The following CSMD1 variants were observed in gnomAD, a reference collection of about 807,000 sequenced individuals.
CSMD1 encodes the protein CUB and sushi domain-containing protein 1.
In CSMD1, 213 loss-of-function variants were observed where a neutral mutation model predicts 417.5. The observed-to-expected ratio is 0.51, with a 90% CI of 0.46 to 0.57. The LOEUF (loss-of-function observed/expected upper bound fraction) is 0.57. Ranked by LOEUF, CSMD1 falls within the 20% of genes least tolerant of loss-of-function variation. The probability of loss-of-function intolerance (pLI) is 0.00; values close to 1 mark genes in which losing one functional copy is unlikely to be tolerated. For synonymous variants in CSMD1, 2,862 were observed against 1,736.8 expected, an observed-to-expected ratio of 1.65 and a Z score of -16.11; for missense variants, 6,923 against 4,529.7, an observed-to-expected ratio of 1.53 and a Z score of -15.17.
In CSMD1 at chr8:4,307,925, C is replaced by T. The variant is rs550133710; in HGVS notation, c.415+112028G>A. ...GGCACGTTTTTAGCAAGAGGACCCC[C>T]GGATGCAAGGGTCTTCGGTGTAACA... On this transcript the variant is annotated intron_variant, in intron 3 of 69. Transcript: ENST00000635120. 5.3e-5 allele frequency among the ~76,000 whole-genome samples: 8 copies of T among 152,206 alleles called. No homozygotes were observed. The East Asian group carries it at 5.8e-4, about 11-fold the overall frequency.
intron 7 of CSMD1, among the ~76,000 whole-genome samples, chr8:3,634,348 G>C (rs769340416): frequency 1.6e-4 from 24 of 152,172 alleles, no homozygotes; most frequent in Non-Finnish European, 2.5e-4. Flanking sequence ...GTGACACTCT[G>C]TGACAAACTC....
chr8:3,262,185 ATATATATATATATAT>A (rs1463243683), intron 26 of CSMD1, among the ~76,000 whole-genome samples: 2 of 46,318 alleles, frequency 4.3e-5, no homozygotes, highest in African/African-American at 1.1e-4. Flanking sequence ...GCTCATATGA[ATATATATATATATAT>A]ATATATATAT....
intron 2 of CSMD1, among the ~76,000 whole-genome samples, chr8:4,621,591 T>C (rs1007304199): frequency 6.6e-6 from 1 of 152,090 alleles, no homozygotes; most frequent in Non-Finnish European, 1.5e-5. Context: ...CAGGAGCAGA[T>C]TTTTCTGTCT....
chr8:3,237,549 T>A (rs1799224689), intron 26 of CSMD1, among the ~76,000 whole-genome samples: 1 of 144,606 alleles, frequency 6.9e-6, no homozygotes, highest in Non-Finnish European at 1.5e-5. Context: ...ATTATATAAA[T>A]AACACAACTT....
intron 3 of CSMD1, among the ~76,000 whole-genome samples, chr8:4,361,453 A>G (rs1801755372): frequency 6.7e-6 from 1 of 150,224 alleles, no homozygotes; most frequent in Admixed American, 6.6e-5. Flanking sequence ...TATCTTCATT[A>G]CAGCCTAATA....
intron 1 of CSMD1, among the ~76,000 whole-genome samples, chr8:4,941,510 A>T (rs1244976399): frequency 6.6e-6 from 1 of 152,182 alleles, no homozygotes; most frequent in Non-Finnish European, 1.5e-5. Flanking sequence ...AGTTATCTAC[A>T]CATGTAACTT....
intron 4 of CSMD1, among the ~76,000 whole-genome samples, chr8:4,004,875 G>C (rs951329866): frequency 7.2e-5 from 11 of 152,074 alleles, no homozygotes; most frequent in African/African-American, 2.4e-4. Flanking sequence ...CTCCCGAGTA[G>C]CTGGGACTAC....
chr8:3,272,279 C>T (rs1308140444), intron 26 of CSMD1, among the ~76,000 whole-genome samples: 1 of 144,342 alleles, frequency 6.9e-6, no homozygotes, highest in Non-Finnish European at 1.5e-5. Flanking sequence ...TGTTCTATTC[C>T]ATTGATCTAT....
chr8:3,314,528 C>T (rs922230700), intron 23 of CSMD1, among the ~76,000 whole-genome samples: 39 of 152,232 alleles, frequency 2.6e-4, no homozygotes, highest in African/African-American at 8.9e-4. Flanking sequence ...TTATTTGTGT[C>T]AAAGCACTAT....
At chr8:4,591,095 G>A (rs1340416787) in intron 2 of CSMD1, among the ~76,000 whole-genome samples, 1 of 152,136 alleles carries the variant, frequency 6.6e-6, no homozygotes, top group Admixed American at 6.5e-5. Context: ...TATTCTCTAA[G>A]GTTGTAAGCT....
intron 26 of CSMD1, among the ~76,000 whole-genome samples, chr8:3,238,308 G>T (rs969840386): frequency 2.6e-5 from 4 of 152,166 alleles, no homozygotes; most frequent in African/African-American, 4.8e-5. Context: ...TTCTTTTGTG[G>T]TGGAATGTCA....
Position 4,743,025 on chromosome 8 carries a change from C to G in CSMD1, c.86-105467G>C, listed in dbSNP as rs182432476. Among the ~76,000 whole-genome samples the G allele has an allele frequency of 6.0e-4, 92 of 152,248 alleles. 2 individuals are homozygous for G. Among genetic ancestry groups the G allele is most frequent in the Non-Finnish European group, 1.9e-4 (13 of 68,020 alleles). ...CTTCACTGTGTTTGGAGAATTACAG[C>G]TATTTTCTAAGTGTTTTTGTTTGTA... On this transcript the variant is annotated intron_variant, in intron 1 of 69. Transcript: ENST00000635120.
intron 37 of CSMD1, among the ~76,000 whole-genome samples, chr8:3,167,243 C>T (rs1488194139): frequency 2.1e-5 from 3 of 146,024 alleles, no homozygotes; most frequent in Non-Finnish European, 3.0e-5. Flanking sequence ...CGAGATCGCA[C>T]ACTGCACTCC....
rs897208360 is a variant in CSMD1, at chr8:3,397,067, T to C, written c.2406-686A>G. Reference sequence around the variant, plus strand: ...AATCTAGCCTGAGATTTTATATATATATATAAAGTTGCAGCCACTTGGCTC... The same window carrying C: ...AATCTAGCCTGAGATTTTATATATACATATAAAGTTGCAGCCACTTGGCTC... On this transcript the variant is annotated intron_variant, in intron 16 of 69. Transcript: ENST00000635120. Among the ~76,000 whole-genome samples, 8 of 152,170 alleles carry C rather than the reference T, an allele frequency of 5.3e-5. No individual in the cohort carries two copies. The South Asian group carries it at 1.2e-3, about 24-fold the overall frequency.
chr8:3,630,288 A>C (rs1363545360), intron 7 of CSMD1, among the ~76,000 whole-genome samples: 1 of 152,170 alleles, frequency 6.6e-6, no homozygotes, highest in Non-Finnish European at 1.5e-5. Context: ...ATTTAAGCTG[A>C]AATGGAAAAG....
chr8:4,858,002 G>A lies in CSMD1; in HGVS notation c.85+136330C>T, dbSNP rs74588163. Among the ~76,000 whole-genome samples the A allele has an allele frequency of 6.9e-3, 1,047 of 152,018 alleles. 12 individuals are homozygous for A. Among genetic ancestry groups the A allele is most frequent in the African/African-American group, 0.024 (995 of 41,422 alleles). On this transcript the variant is annotated intron_variant, in intron 1 of 69. Coordinates refer to ENST00000635120, the MANE Select transcript of CSMD1 (RefSeq NM_033225.6). ...ACCAATATCTTTGATGAACATTGAC[G>A]CAAAAATCCTCAGTAACATACTGGC...
chr8:4,251,805 A>AAGGAGAGATGGAGG (rs1563337932), intron 3 of CSMD1, among the ~76,000 whole-genome samples: 1 of 149,360 alleles, frequency 6.7e-6, no homozygotes, highest in African/African-American at 2.5e-5. Flanking sequence ...AAAGATGGAG[A>AAGGAGAGATGGAGG]AGGACAGATG....
At chr8:4,587,950 A>G (rs1359183687) in intron 2 of CSMD1, among the ~76,000 whole-genome samples, 2 of 152,356 alleles carry the variant, frequency 1.3e-5, no homozygotes, top group East Asian at 3.9e-4. Flanking sequence ...GATTGTGTGT[A>G]GACTTTAAAG....
At chr8:3,412,641 G>A (rs981232346) in intron 12 of CSMD1, among the ~76,000 whole-genome samples, 4 of 152,192 alleles carry the variant, frequency 2.6e-5, no homozygotes, top group Non-Finnish European at 4.4e-5. Context: ...CACTGCTAAC[G>A]TCACACCTCA....
Sources: allele counts gnomAD v4.1 joint callset (sites outside exome capture counted in the v4.1 genomes callset), GRCh38; gene constraint gnomAD v4.1.1; transcripts MANE v1.5; gene names NCBI Gene and HGNC (gene_info 2026-07-23, HGNC 2026-07-21).